LMNTD1: variants seen among roughly 807,000 people sequenced by gnomAD.
LMNTD1 encodes lamin tail domain containing 1.
Under a neutral mutation model 50.9 loss-of-function variants are expected in LMNTD1, and 35 were observed. The ratio of observed to expected loss-of-function variants is 0.69; its 90% CI spans 0.53 to 0.91. The LOEUF (loss-of-function observed/expected upper bound fraction) is 0.91, where lower values mean the gene tolerates loss of function less well. LMNTD1 is among the 40% of genes least tolerant of loss of function. The pLI, the probability that LMNTD1 is intolerant of heterozygous loss-of-function variation, is 0.00. For missense variants in LMNTD1, 470 were observed against 475.5 expected (o/e 0.99, Z 0.11); for synonymous variants, 153 against 161.9 (o/e 0.94, Z 0.42).
intron 1 of LMNTD1, among the ~76,000 whole-genome samples, chr12:25,643,312 T>C (rs1019071241): frequency 1.3e-5 from 2 of 152,030 alleles, no homozygotes; most frequent in African/African-American, 4.8e-5. Flanking sequence ...TTAAGAAAGG[T>C]ATTCAGGGGA....
intron 4 of LMNTD1, among the ~76,000 whole-genome samples, chr12:25,538,367 C>T (rs529423108): frequency 7.9e-5 from 12 of 151,344 alleles, no homozygotes; most frequent in East Asian, 1.9e-4. Context: ...AGACTAACAG[C>T]GGATCTCTAG....
rs781742784 is a variant in LMNTD1, at chr12:25,519,586, T to TAAAAAAAAAAA, written c.1016+271_1016+272insTTTTTTTTTTT. Among the ~76,000 whole-genome samples the TAAAAAAAAAAA allele has an allele frequency of 1.7e-3, 125 of 74,852 alleles. 10 individuals carry two copies. Among genetic ancestry groups the TAAAAAAAAAAA allele is most frequent in the East Asian group, 7.1e-3 (14 of 1,974 alleles). 49.1% of individuals were successfully genotyped at this position (74,852 alleles called of 152,430 possible). A position where few individuals can be genotyped will look rare whatever the true frequency, so the allele number is the denominator to read the frequency against. On this transcript the variant is annotated intron_variant, in intron 7 of 9. Coordinates refer to ENST00000458174, the MANE Select transcript of LMNTD1 (RefSeq NM_001145728.2). ...CTGGGTGACAGAGCGAGACTCTGTC[T>TAAAAAAAAAAA]CAAAAAAAAAAAAAAAAAAAAAGTG...
chr12:25,593,689 G>T (rs1945767760), intron 1 of LMNTD1, among the ~76,000 whole-genome samples: 1 of 151,844 alleles, frequency 6.6e-6, no homozygotes, highest in South Asian at 2.1e-4. Context: ...CACCAGCAAT[G>T]GGTCCAAACC....
intron 1 of LMNTD1, among the ~76,000 whole-genome samples, chr12:25,622,180 G>A (rs1000586135): frequency 1.3e-5 from 2 of 152,202 alleles, no homozygotes; most frequent in African/African-American, 2.4e-5. Context: ...TGGGATTGGA[G>A]GGGAGTCAAG....
chr12:25,617,247 T>C (rs1410726119), intron 1 of LMNTD1, among the ~76,000 whole-genome samples: 1 of 152,232 alleles, frequency 6.6e-6, no homozygotes, highest in Non-Finnish European at 1.5e-5. Flanking sequence ...ACAGAGTTTA[T>C]GTTTATTCAC....
chr12:25,582,223 A>G (rs1038662838), intron 1 of LMNTD1, among the ~76,000 whole-genome samples: 4 of 152,218 alleles, frequency 2.6e-5, no homozygotes, highest in Non-Finnish European at 5.9e-5. Context: ...TTCACTTCCA[A>G]GTACTGTCTG....
chr12:25,538,962 CA>C lies in LMNTD1; in HGVS notation c.491+7411del, dbSNP rs61110272. Among the ~76,000 whole-genome samples the C allele has an allele frequency of 3.2e-3, 482 of 148,640 alleles. 6 individuals are homozygous for C. Among genetic ancestry groups the C allele is most frequent in the African/African-American group, 0.011 (462 of 40,222 alleles). ...AAACAGACTTTAAACCAACAAAGAT[CA>C]AAAGAGACAAAGAAGGCCATTACAT... On this transcript the variant is annotated intron_variant, in intron 4 of 9. Coordinates refer to ENST00000458174, the MANE Select transcript of LMNTD1 (RefSeq NM_001145728.2).
At chr12:25,559,369 A>T (rs529990671) in intron 1 of LMNTD1, among the ~76,000 whole-genome samples, 19 of 152,332 alleles carry the variant, frequency 1.2e-4, no homozygotes, top group African/African-American at 4.3e-4. Flanking sequence ...TTCAAAGGAC[A>T]TGAACTCGTC....
intron 9 of LMNTD1, among the ~76,000 whole-genome samples, chr12:25,489,609 C>T (rs967651724): frequency 6.6e-6 from 1 of 151,678 alleles, no homozygotes; most frequent in South Asian, 2.1e-4. Flanking sequence ...ACGCTGGGAG[C>T]TGTAGACCGG....
At chr12:25,481,865 T>TCACACA (rs138084240) in intron 9 of LMNTD1, among the ~76,000 whole-genome samples, 5,409 of 132,600 alleles carry the variant, frequency 0.041, 123 homozygotes, top group Non-Finnish European at 0.052. Context: ...TATTGCCTCT[T>TCACACA]CACACACACA....
Position 25,618,303 on chromosome 12 carries a change from T to C in LMNTD1, c.58+30191A>G, listed in dbSNP as rs569343928. 1.7e-4 allele frequency among the ~76,000 whole-genome samples: 26 copies of C among 152,294 alleles called. 1 individual carries two copies. Among genetic ancestry groups the C allele is most frequent in the Admixed American group, 9.2e-4 (14 of 15,290 alleles). On this transcript the variant is annotated intron_variant, in intron 1 of 7. Coordinates refer to the LMNTD1 transcript ENST00000445693. ...TTGGGAATTCTGATTTAATTGCTCT[T>C]GATTGGAGAGCAGGCATCAATCTTC... is the stretch of plus-strand genomic sequence containing the variant.
rs948131241 is a variant in LMNTD1 at position 25,617,893 on chromosome 12, A to G, written c.58+30601T>C. Among the ~76,000 whole-genome samples, 6 of 152,330 alleles carry G rather than the reference A, an allele frequency of 3.9e-5. No homozygotes were observed. The East Asian group carries it at 1.2e-3, about 29-fold the overall frequency. The stretch of plus-strand genomic sequence containing the variant: ...ATCTGAAGAAGTACTTGAAGGATAC[A>G]ACAGTAATGAAGATGCACTGTTCTA... On this transcript the variant is annotated intron_variant, in intron 1 of 7. Transcript: ENST00000445693.
At chr12:25,529,028 A>G (rs12581515) in intron 4 of LMNTD1, among the ~76,000 whole-genome samples, 26,662 of 152,138 alleles carry the variant, frequency 0.18, 2,683 homozygotes, top group African/African-American at 0.27. Flanking sequence ...GGAGACCCAG[A>G]TGACCAATGC....
intron 1 of LMNTD1, among the ~76,000 whole-genome samples, chr12:25,644,906 C>G (rs1042791104): frequency 4.6e-5 from 7 of 152,126 alleles, no homozygotes; most frequent in African/African-American, 1.7e-4. Context: ...TGAAGGCACT[C>G]TTGTCCAATA....
At chr12:25,483,355 T>C (rs908972885) in intron 9 of LMNTD1, among the ~76,000 whole-genome samples, 1 of 151,818 alleles carries the variant, frequency 6.6e-6, no homozygotes, top group African/African-American at 2.4e-5. Context: ...GTTCAGGGGT[T>C]GAGGCTGCAG....
intron 7 of LMNTD1, 84 bp from the exon 8 acceptor site, chr12:25,519,051 C>T: frequency 7.8e-7 from 1 of 1,290,228 alleles, no homozygotes; most frequent in Non-Finnish European, 1.1e-6. Flanking sequence ...AAAGGGGAAG[C>T]ATATTTCAAA....
At chr12:25,556,386 G>A (rs1426545636), upstream of LMNTD1, among the ~76,000 whole-genome samples, 2 of 152,178 alleles carry the variant, frequency 1.3e-5, no homozygotes, top group African/African-American at 4.8e-5. Flanking sequence ...AGCTTATACA[G>A]CCAGTAAATG....
At chr12:25,596,532 A>G (rs1945848573) in intron 1 of LMNTD1, among the ~76,000 whole-genome samples, 1 of 152,066 alleles carries the variant, frequency 6.6e-6, no homozygotes, top group African/African-American at 2.4e-5. Context: ...GCATTCCTTT[A>G]TGCCACGTTT....
intron 1 of LMNTD1, among the ~76,000 whole-genome samples, chr12:25,624,915 C>T (rs1946555085): frequency 6.6e-6 from 1 of 152,146 alleles, no homozygotes; most frequent in African/African-American, 2.4e-5. Context: ...GCAATGCAAA[C>T]TTTTTATTAT....
Sources: gnomAD v4.1 joint callset for allele counts (sites outside exome capture counted in the v4.1 genomes callset) on GRCh38, gnomAD v4.1.1 for gene constraint, MANE v1.5 for transcripts, NCBI Gene and HGNC (gene_info 2026-07-23, HGNC 2026-07-21) for gene names.